Variants in TP73 observed in about 807,000 individuals in gnomAD.
The protein encoded by TP73 is p53-like transcription factor.
In TP73, 25 loss-of-function variants were observed where a neutral mutation model predicts 62.5. The ratio of observed to expected loss-of-function variants is 0.40; its 90% CI spans 0.29 to 0.56. The LOEUF is 0.56. Among genes scored for constraint, TP73 ranks in the 20% least tolerant of loss-of-function variants. The probability of loss-of-function intolerance (pLI) is 0.46; values close to 1 mark genes in which losing one functional copy is unlikely to be tolerated. For missense variants in TP73, 754 were observed against 913.3 expected (o/e 0.83, Z 2.25); for synonymous variants, 423 against 377.5 (o/e 1.12, Z -1.40).
chr1:3,714,863 TG>T (rs1166738935), intron 4 of TP73, among the ~76,000 whole-genome samples: 1 of 152,204 alleles, frequency 6.6e-6, no homozygotes, highest in East Asian at 1.9e-4. Flanking sequence ...AGGCCCCAGA[TG>T]GGGTACCTGG....
At chr1:3,709,712 C>T (rs541492556) in intron 4 of TP73, among the ~76,000 whole-genome samples, 1 of 152,354 alleles carries the variant, frequency 6.6e-6, no homozygotes, top group South Asian at 2.1e-4. Flanking sequence ...CCTAAGTCCA[C>T]TCTCTCCCCT....
At chr1:3,726,119 GGA>G in intron 6 of TP73, among the ~76,000 whole-genome samples, 1 of 103,290 alleles carries the variant, frequency 9.7e-6, no homozygotes, top group Non-Finnish European at 2.1e-5. Context: ...ATGGATGGAT[GGA>G]TTTATTGATA....
rs1488771191 is a variant in TP73 at position 3,733,538 on chromosome 1, G to A, written c.*459G>A. ...ATCTTTTGGTTCTGGATAGTAGTGA[G>A]CAGCCAAGTGACTGTGTCTGAAACA... On this transcript the variant is annotated 3_prime_UTR_variant, in exon 14 of 14. Transcript: ENST00000378295. 5 of 180,768 alleles carry A rather than the reference G, an allele frequency of 2.8e-5. No individual in the cohort carries two copies. Among genetic ancestry groups the A allele is most frequent in the Non-Finnish European group, 4.8e-5 (4 of 84,106 alleles). The allele number at this position is 180,768 out of a possible 1,614,324, so 11.2% of individuals were successfully genotyped here. A position where few individuals can be genotyped will look rare whatever the true frequency, so the allele number is the denominator to read the frequency against.
chr1:3,729,648 C>T, intron 10 of TP73, 200 bp downstream of exon 10: 1 of 1,006,340 alleles, frequency 9.9e-7, no homozygotes, highest in Non-Finnish European at 1.5e-6. Flanking sequence ...GACCCTGGGT[C>T]ATGGCCCTTG....
chr1:3,661,802 A>G (rs1228414202), intron 1 of TP73, among the ~76,000 whole-genome samples: 1 of 145,836 alleles, frequency 6.9e-6, no homozygotes, highest in Non-Finnish European at 1.5e-5. Flanking sequence ...CATACACTAT[A>G]TATAATATAT....
At chr1:3,728,733 G>C (rs1001882403) in intron 9 of TP73, among the ~76,000 whole-genome samples, 1 of 152,240 alleles carries the variant, frequency 6.6e-6, no homozygotes, top group African/African-American at 2.4e-5. Flanking sequence ...CCGGCATTTT[G>C]GGAGGCTGAG....
At chr1:3,715,053 G>A (rs377519941) in intron 4 of TP73, among the ~76,000 whole-genome samples, 1 of 152,182 alleles carries the variant, frequency 6.6e-6, no homozygotes, top group Non-Finnish European at 1.5e-5. Context: ...CAGCATCTCG[G>A]CAGCAAAGTG....
intron 1 of TP73, among the ~76,000 whole-genome samples, chr1:3,665,962 C>T (rs1056974740): frequency 1.3e-5 from 2 of 150,972 alleles, no homozygotes; most frequent in East Asian, 1.9e-4. Flanking sequence ...CAGTGAAACC[C>T]CATCTCTACT....
At position 3,672,458 on chromosome 1, in the gene TP73, C is replaced by T. The variant is rs945907672; in HGVS notation, c.-33-9875C>T. Among the ~76,000 whole-genome samples the T allele has an allele frequency of 1.3e-4, 20 of 152,072 alleles. No individual in the cohort carries two copies. Among genetic ancestry groups the T allele is most frequent in the African/African-American group, 4.3e-4 (18 of 41,390 alleles). ...TCTGTGCAGAACGAGGCTGTGGCAG[C>T]TCCAGCGAAGGCGGCTGCGGCCCCA... is the stretch of plus-strand genomic sequence containing the variant. On this transcript the variant is annotated intron_variant, in intron 1 of 13. Transcript: ENST00000378295. This position sits in a 1 kb window ranked among gnomAD's most constrained non-coding sequence, Gnocchi z 5.3.
In TP73 at chr1:3,720,440, TGAG is replaced by T. The variant is rs561594385; in HGVS notation, c.430-1576_430-1574del. Among the ~76,000 whole-genome samples the T allele has an allele frequency of 8.1e-4, 124 of 152,312 alleles. 1 individual carries two copies. The highest frequency in any genetic ancestry group is 3.4e-3 in the Middle Eastern group (1 of 294). ...GCTCTTTGGTATCCAATTCCCATCC[TGAG>T]GAGGCCACTGAAGGACCCCCTTCCA... On this transcript the variant is annotated intron_variant, in intron 4 of 13. Coordinates refer to ENST00000378295, the MANE Select transcript of TP73 (RefSeq NM_005427.4).
intron 1 of TP73, among the ~76,000 whole-genome samples, chr1:3,673,191 G>A (rs1040419114): frequency 6.6e-6 from 1 of 152,218 alleles, no homozygotes; most frequent in Non-Finnish European, 1.5e-5. Context: ...AAAAGGGTGC[G>A]GAGACCACTG....
intron 3 of TP73, among the ~76,000 whole-genome samples, chr1:3,697,887 C>T (rs955777187): frequency 1.1e-4 from 17 of 152,196 alleles, no homozygotes; most frequent in Non-Finnish European, 2.5e-4. Flanking sequence ...CGTCCTGGAC[C>T]GCCTTCTCCA....
chr1:3,678,822 G>A (rs1645435803), intron 1 of TP73, among the ~76,000 whole-genome samples: 2 of 152,208 alleles, frequency 1.3e-5, no homozygotes, highest in Admixed American at 1.3e-4. Flanking sequence ...GGGTGTCCTG[G>A]AAGATGCATC....
At chr1:3,719,159 G>A (rs1404889013) in intron 4 of TP73, among the ~76,000 whole-genome samples, 1 of 152,172 alleles carries the variant, frequency 6.6e-6, no homozygotes, top group Non-Finnish European at 1.5e-5. Context: ...CGCCCTCCCT[G>A]CTCTGTGGTT....
intron 3 of TP73, among the ~76,000 whole-genome samples, chr1:3,697,880 CCTGGACCGCCTT>C (rs1016561802): frequency 9.2e-5 from 14 of 152,332 alleles, no homozygotes; most frequent in African/African-American, 2.9e-4. Flanking sequence ...CCACAGCCGT[CCTGGACCGCCTT>C]CTCCACCTTT....
In TP73 at chr1:3,730,054, G is replaced by A. The variant is rs1187829506; in HGVS notation, c.1251G>A (p.Val417=). The A allele has an allele frequency of 6.2e-7, 1 of 1,608,472 alleles. No individual in the cohort carries two copies. ...YGPVLSPMNK[V]HGGMNKLPSV... ...CGGTCCTCTCGCCCATGAACAAGGT[G>A]CACGGGGGCATGAACAAGCTGCCCT... is the stretch of plus-strand genomic sequence containing the variant. Residue 417 remains valine (V), a synonymous_variant, in exon 11 of 14, where the codon GTG becomes GTA. Coordinates refer to ENST00000378295, the MANE Select transcript of TP73 (RefSeq NM_005427.4).
rs1639178618 is a variant in TP73 at position 3,701,648 on chromosome 1, G to T, written c.187-5901G>T. 1.3e-5 allele frequency among the ~76,000 whole-genome samples: 2 copies of T among 152,020 alleles called. No homozygotes were observed. Among genetic ancestry groups the T allele is most frequent in the South Asian group, 4.2e-4 (2 of 4,818 alleles). On this transcript the variant is annotated intron_variant, in intron 3 of 13. Transcript: ENST00000378295. This position sits in a 1 kb window ranked among gnomAD's most constrained non-coding sequence, Gnocchi z 4.7. Reference sequence around the variant, plus strand: ...TCCTCCCAAGTAGCTGGGATTACAGGTGCCCACCACCACGCCCAGCTAATT... The same window carrying T: ...TCCTCCCAAGTAGCTGGGATTACAGTTGCCCACCACCACGCCCAGCTAATT...
chr1:3,725,684 ATTG>A (rs1641466393), intron 6 of TP73, among the ~76,000 whole-genome samples: 4 of 107,318 alleles, frequency 3.7e-5, no homozygotes, highest in African/African-American at 7.8e-5. Context: ...ATAGACTGAT[ATTG>A]TTGAATGGAT....
chr1:3,727,429 C>T lies in TP73; in HGVS notation c.843-199C>T, dbSNP rs967567408. ...GCCTCCGGAGGGAGGTGGGAGTCCCCGGCGAGGTCTCAGGGCAGCCTCACA... is the reference window on the plus strand; with the variant it reads ...GCCTCCGGAGGGAGGTGGGAGTCCCTGGCGAGGTCTCAGGGCAGCCTCACA... On this transcript the variant is annotated intron_variant, in intron 7 of 13. Coordinates refer to ENST00000378295, the MANE Select transcript of TP73 (RefSeq NM_005427.4). 31 of 956,998 alleles carry T rather than the reference C, an allele frequency of 3.2e-5. No homozygotes were observed. In the South Asian group the frequency reaches 3.6e-4, roughly 11 times the overall value. The allele number at this position is 956,998 out of a possible 1,614,324, so 59.3% of individuals were successfully genotyped here. A position where few individuals can be genotyped will look rare whatever the true frequency, so the allele number is the denominator to read the frequency against.
Sources: allele counts gnomAD v4.1 joint callset (sites outside exome capture counted in the v4.1 genomes callset), GRCh38; gene constraint gnomAD v4.1.1; non-coding constraint Gnocchi (gnomAD v3.1); transcripts MANE v1.5; gene names NCBI Gene and HGNC (gene_info 2026-07-23, HGNC 2026-07-21).